Variants in GOSR2 observed in about 807,000 individuals in gnomAD.
The protein encoded by GOSR2 is golgi SNAP receptor complex member 2.
In GOSR2, 20 loss-of-function variants were observed where a neutral mutation model predicts 27.9. The observed-to-expected ratio is 0.72, with a 90% CI of 0.50 to 1.04. The LOEUF (loss-of-function observed/expected upper bound fraction) is 1.04, where lower values mean the gene tolerates loss of function less well. Ranked by LOEUF, GOSR2 falls within the 50% of genes least tolerant of loss-of-function variation. GOSR2 has a pLI of 0.00. For missense variants in GOSR2, 261 were observed against 270.5 expected (o/e 0.97, Z 0.25); for synonymous variants, 91 against 98.8 (o/e 0.92, Z 0.47).
In GOSR2 at chr17:46,966,504, C is replaced by T. The variant is rs768814505; in HGVS notation, c.584-30C>T. On this transcript the variant is annotated intron_variant, in intron 6 of 6. Coordinates refer to the GOSR2 transcript ENST00000573224. ...TTGGAACTACAGGTGCACCCCACCA[C>T]ACCCGATTAATTTTTTGTATTTTTT... 7.3e-6 allele frequency: 5 copies of T among 684,640 alleles called. No individual in the cohort carries two copies. In the South Asian group the frequency reaches 7.8e-5, roughly 11 times the overall value. The allele number at this position is 684,640 out of a possible 1,614,324, so 42.4% of individuals were successfully genotyped here. A position where few individuals can be genotyped will look rare whatever the true frequency, so the allele number is the denominator to read the frequency against.
intron 1 of GOSR2, among the ~76,000 whole-genome samples, chr17:46,926,045 A>AGC (rs2086445359): frequency 6.6e-5 from 10 of 152,340 alleles, no homozygotes; most frequent in Admixed American, 6.5e-4. Context: ...GGACACAAGA[A>AGC]GCACTACATT....
downstream of GOSR2, among the ~76,000 whole-genome samples, chr17:46,946,453 C>T (rs1018851523): frequency 2.8e-5 from 3 of 108,268 alleles, no homozygotes; most frequent in African/African-American, 1.0e-4. Flanking sequence ...AAGAGCAAAA[C>T]TCCGTCTCAA....
chr17:46,952,878 T>C (rs1442562439), intron 6 of GOSR2: 1 of 152,026 alleles, frequency 6.6e-6, no homozygotes, highest in Non-Finnish European at 1.5e-5. Flanking sequence ...GACCCCTCAG[T>C]GCAAACCTCC....
In GOSR2 at chr17:46,932,113, C is replaced by T. The variant is rs1339009964; in HGVS notation, c.250C>T (p.Leu84Phe). 6.2e-7 allele frequency: 1 copy of T among 1,613,762 alleles called. No individual in the cohort carries two copies. Among genetic ancestry groups the T allele is most frequent in the East Asian group, 2.2e-5 (1 of 44,882 alleles). Residue 84 changes from leucine to phenylalanine, a missense_variant, in exon 4 of 6, where the codon CTC becomes TTC. Transcript: ENST00000640051. The stretch of plus-strand genomic sequence containing the variant: ...TGATGTCCAGCACCTGCAGACTGCG[C>T]TCAGAAACTTCCAGCATCGGCGCCA... ...KYDVQHLQTA[L>F]RNFQHRRHAR... is the part of the protein sequence containing the mutation.
intron 6 of GOSR2, among the ~76,000 whole-genome samples, chr17:46,954,645 T>C (rs1028648920): frequency 4.6e-5 from 7 of 152,254 alleles, no homozygotes; most frequent in Admixed American, 2.6e-4. Flanking sequence ...ATATTGATTC[T>C]TCCTACCCAT....
downstream of GOSR2, among the ~76,000 whole-genome samples, chr17:46,971,109 C>A (rs983545688): frequency 6.6e-6 from 1 of 152,030 alleles, no homozygotes; most frequent in Non-Finnish European, 1.5e-5. Flanking sequence ...CCAGCACTTA[C>A]AGTGGATCAT....
chr17:46,958,109 T>C (rs2090837853), intron 6 of GOSR2, among the ~76,000 whole-genome samples: 1 of 152,166 alleles, frequency 6.6e-6, no homozygotes, highest in Non-Finnish European at 1.5e-5. Flanking sequence ...CTCTCCCCAT[T>C]TGTGCAGGAC....
downstream of GOSR2, among the ~76,000 whole-genome samples, chr17:46,944,277 C>G (rs563080680): frequency 6.6e-6 from 1 of 152,238 alleles, no homozygotes; most frequent in African/African-American, 2.4e-5. Context: ...TTACAGCGGC[C>G]GGAGGCTGTG....
At chr17:46,966,548 C>G (rs1364188416) in exon 7 of GOSR2, 1 of 694,184 alleles carries the variant, frequency 1.4e-6, no homozygotes. Context: ...AAGGTCTCAC[C>G]ATGTTGCCCA....
chr17:46,929,787 C>G, intron 2 of GOSR2: 1 of 560,694 alleles, frequency 1.8e-6, no homozygotes, highest in South Asian at 2.0e-5. Context: ...TCTTATCCCC[C>G]ATTACCCCTC....
At chr17:46,951,897 C>A (rs976601622) in intron 6 of GOSR2, among the ~76,000 whole-genome samples, 2 of 152,156 alleles carry the variant, frequency 1.3e-5, no homozygotes, top group Non-Finnish European at 2.9e-5. Flanking sequence ...TTCTCCCCCC[C>A]AGACATCACC....
At chr17:46,967,239 G>T (rs1453956593), downstream of GOSR2, among the ~76,000 whole-genome samples, 3 of 152,182 alleles carry the variant, frequency 2.0e-5, no homozygotes, top group Non-Finnish European at 4.4e-5. Context: ...AGTCTGCCTG[G>T]GTTTGGATCC....
intron 3 of GOSR2, 111 bp from the exon 4 acceptor site, chr17:46,931,956 G>A: frequency 2.3e-6 from 2 of 878,302 alleles, no homozygotes; most frequent in Non-Finnish European, 3.9e-6. Context: ...AGTGTGGGGT[G>A]GTGTAGGGAG....
At chr17:46,932,277 C>T (rs993593869) in intron 4 of GOSR2, 78 bp downstream of exon 4, 14 of 1,554,024 alleles carry the variant, frequency 9.0e-6, no homozygotes, top group South Asian at 1.1e-5. Context: ...TGAGCGCCAT[C>T]TGTTTTGGGG....
At chr17:46,954,817 G>T (rs1185648966) in intron 6 of GOSR2, among the ~76,000 whole-genome samples, 1 of 151,970 alleles carries the variant, frequency 6.6e-6, no homozygotes, top group East Asian at 1.9e-4. Flanking sequence ...TCATGATTTG[G>T]CTGTCTGTTA....
intron 6 of GOSR2, chr17:46,964,796 G>T (rs1599249124): frequency 6.6e-6 from 1 of 152,160 alleles, no homozygotes; most frequent in Admixed American, 6.5e-5. Context: ...TTGATTAAGG[G>T]CTCCAAAATT....
At chr17:46,954,929 G>A (rs2090609614) in intron 6 of GOSR2, among the ~76,000 whole-genome samples, 1 of 152,158 alleles carries the variant, frequency 6.6e-6, no homozygotes, top group African/African-American at 2.4e-5. Flanking sequence ...CTGAGACAGT[G>A]GGGTTTTCTA....
intron 4 of GOSR2, among the ~76,000 whole-genome samples, chr17:46,933,809 T>C (rs571280212): frequency 3.0e-4 from 45 of 151,502 alleles, no homozygotes; most frequent in Non-Finnish European, 6.2e-4. Flanking sequence ...CAAAAAAATA[T>C]AAAAATTAGC....
rs777419699 is a variant in GOSR2 at position 46,940,008 on chromosome 17, G to A, written c.*1248G>A. 7.9e-6 allele frequency: 8 copies of A among 1,010,378 alleles called. No individual in the cohort carries two copies. Among genetic ancestry groups the A allele is most frequent in the Non-Finnish European group, 9.5e-6 (8 of 843,808 alleles). 62.6% of individuals were successfully genotyped at this position (1,010,378 alleles called of 1,614,324 possible). ...CAAAATCCTTCAGATCTGGAAACCG[G>A]CTCAGTATTAACCCTACCTTTGGTT... On this transcript the variant is annotated 3_prime_UTR_variant, in exon 6 of 6. Transcript: ENST00000640051.
Sources: allele counts gnomAD v4.1 joint callset (sites outside exome capture counted in the v4.1 genomes callset), GRCh38; gene constraint gnomAD v4.1.1; transcripts MANE v1.5; gene names NCBI Gene and HGNC (gene_info 2026-07-23, HGNC 2026-07-21).